The following SYT14 variants were observed in gnomAD, a reference collection of about 807,000 sequenced individuals.
The protein encoded by SYT14 is synaptotagmin-14.
In SYT14, 32 loss-of-function variants were observed where a neutral mutation model predicts 74.2. That is an observed-to-expected ratio of 0.43 (90% CI 0.33 to 0.58). The LOEUF (loss-of-function observed/expected upper bound fraction) is 0.58. Among genes scored for constraint, SYT14 ranks in the 20% least tolerant of loss-of-function variants. SYT14 has a pLI of 0.05. For missense variants in SYT14, 791 were observed against 981.8 expected, an observed-to-expected ratio of 0.81 and a Z score of 2.60; for synonymous variants, 298 against 337.7, an observed-to-expected ratio of 0.88 and a Z score of 1.29.
At chr1:209,952,479 A>G (rs146344130) in intron 1 of SYT14, among the ~76,000 whole-genome samples, 169 of 152,326 alleles carry the variant, frequency 1.1e-3, no homozygotes, top group African/African-American at 3.8e-3. Context: ...TCAAAATCAC[A>G]TACTTGAATG....
chr1:210,125,242 G>T (rs2082546492), intron 7 of SYT14, among the ~76,000 whole-genome samples: 1 of 148,670 alleles, frequency 6.7e-6, no homozygotes, highest in African/African-American at 2.5e-5. Flanking sequence ...GAAATTCCCG[G>T]AGTCTGTTGT....
intron 2 of SYT14, among the ~76,000 whole-genome samples, chr1:209,971,338 G>C (rs771616508): frequency 1.3e-4 from 20 of 151,772 alleles, no homozygotes; most frequent in Non-Finnish European, 4.4e-5. Context: ...AAAAGTGACA[G>C]TCTGACTTCC....
At chr1:210,075,953 A>G (rs2081493413) in intron 5 of SYT14, among the ~76,000 whole-genome samples, 3 of 152,222 alleles carry the variant, frequency 2.0e-5, no homozygotes, top group African/African-American at 7.2e-5. Context: ...TATGTTTTAT[A>G]TAATTTTCTT....
intron 7 of SYT14, among the ~76,000 whole-genome samples, chr1:210,138,636 A>T (rs2082841592): frequency 6.6e-6 from 1 of 152,204 alleles, no homozygotes; most frequent in Non-Finnish European, 1.5e-5. Flanking sequence ...TTCTATTAAT[A>T]CTAAATTCAT....
At chr1:210,151,414 C>A (rs114370603) in intron 7 of SYT14, among the ~76,000 whole-genome samples, 4,058 of 151,780 alleles carry the variant, frequency 0.027, 123 homozygotes, top group Non-Finnish European at 0.034. Context: ...TGAGACAGAT[C>A]TCGCTATGTT....
intron 5 of SYT14, among the ~76,000 whole-genome samples, chr1:210,081,525 A>G (rs575055861): frequency 5.9e-5 from 9 of 152,344 alleles, no homozygotes; most frequent in African/African-American, 2.2e-4. Context: ...TACATACCTT[A>G]ATTAATACTT....
chr1:210,110,216 C>T (rs1441633299), intron 7 of SYT14, among the ~76,000 whole-genome samples: 19 of 151,912 alleles, frequency 1.3e-4, no homozygotes, highest in African/African-American at 4.1e-4. Context: ...TGTATACCTA[C>T]GTAACAAACC....
intron 2 of SYT14, among the ~76,000 whole-genome samples, chr1:209,994,103 C>T (rs1457486476): frequency 6.6e-6 from 1 of 152,140 alleles, no homozygotes; most frequent in Non-Finnish European, 1.5e-5. Context: ...TGTCCCCCTA[C>T]CTCCAAATGA....
chr1:209,981,911 A>G (rs1278112685), intron 2 of SYT14, among the ~76,000 whole-genome samples: 1 of 151,810 alleles, frequency 6.6e-6, no homozygotes. Flanking sequence ...TTTTTTCTTT[A>G]GCGTTGACCT....
chr1:210,080,303 A>G (rs1423415914), intron 5 of SYT14, among the ~76,000 whole-genome samples: 1 of 152,226 alleles, frequency 6.6e-6, no homozygotes, highest in Non-Finnish European at 1.5e-5. Flanking sequence ...AGTCATTTTC[A>G]GAATCATAAT....
chr1:209,956,048 C>T (rs138561189), intron 2 of SYT14, among the ~76,000 whole-genome samples: 191 of 152,124 alleles, frequency 1.3e-3, no homozygotes, highest in African/African-American at 4.4e-3. Flanking sequence ...CTTAAAATAT[C>T]CCTTCTTTCA....
At chr1:209,975,633 A>G (rs938972934) in intron 2 of SYT14, among the ~76,000 whole-genome samples, 2 of 152,130 alleles carry the variant, frequency 1.3e-5, no homozygotes, top group African/African-American at 4.8e-5. Context: ...TTTTTGTATC[A>G]ATGTTCATCA....
chr1:210,013,669 G>C, exon 3 of SYT14: 1 of 1,612,986 alleles, frequency 6.2e-7, no homozygotes, highest in Non-Finnish European at 8.5e-7. Flanking sequence ...TCAGCTGTTG[G>C]GGTGTTTATT....
intron 7 of SYT14, among the ~76,000 whole-genome samples, chr1:210,138,763 A>T (rs909870355): frequency 2.2e-4 from 34 of 152,144 alleles, no homozygotes; most frequent in African/African-American, 8.2e-4. Flanking sequence ...GGTTTAACTT[A>T]AAAAGTTTCT....
intron 5 of SYT14, among the ~76,000 whole-genome samples, chr1:210,090,943 C>T (rs1317980678): frequency 1.3e-5 from 2 of 152,022 alleles, no homozygotes; most frequent in South Asian, 4.2e-4. Flanking sequence ...AAATAAAATG[C>T]AAAAATGAAG....
chr1:209,968,008 C>G (rs1572082830), intron 2 of SYT14, among the ~76,000 whole-genome samples: 1 of 151,964 alleles, frequency 6.6e-6, no homozygotes, highest in Non-Finnish European at 1.5e-5. Context: ...GTATATTGAA[C>G]TAACTATAAT....
intron 2 of SYT14, among the ~76,000 whole-genome samples, chr1:209,989,236 T>C (rs2079623203): frequency 6.6e-6 from 1 of 152,112 alleles, no homozygotes; most frequent in South Asian, 2.1e-4. Flanking sequence ...ATGGGGTCAT[T>C]TTTGGTATTT....
chr1:210,081,229 T>G (rs931192897), intron 5 of SYT14, among the ~76,000 whole-genome samples: 1 of 152,132 alleles, frequency 6.6e-6, no homozygotes, highest in Non-Finnish European at 1.5e-5. Context: ...GTGTATACCT[T>G]TAAAGAGTAT....
chr1:209,990,262 T>G (rs2079641236), intron 2 of SYT14, among the ~76,000 whole-genome samples: 1 of 151,908 alleles, frequency 6.6e-6, no homozygotes, highest in Admixed American at 6.6e-5. Context: ...TTCCAGATTG[T>G]TAGGGCTTCT....
Sources: gnomAD v4.1 joint callset for allele counts (sites outside exome capture counted in the v4.1 genomes callset) on GRCh38, gnomAD v4.1.1 for gene constraint, MANE v1.5 for transcripts, NCBI Gene and HGNC (gene_info 2026-07-23, HGNC 2026-07-21) for gene names.